Variants in TFCP2L1 observed in about 807,000 individuals in gnomAD.
The protein encoded by TFCP2L1 is transcription factor CP2-like protein 1.
In TFCP2L1, 12 loss-of-function variants were observed where a neutral mutation model predicts 72.2. The observed-to-expected ratio is 0.17, with a 90% confidence interval of 0.11 to 0.27. The LOEUF (loss-of-function observed/expected upper bound fraction) is 0.27, where lower values mean the gene tolerates loss of function less well. Ranked by LOEUF, TFCP2L1 falls within the 10% of genes least tolerant of loss-of-function variation. TFCP2L1 has a pLI of 1.00. For synonymous variants in TFCP2L1, 260 were observed against 251.0 expected (o/e 1.04, Z -0.34); for missense variants, 488 against 624.6 (o/e 0.78, Z 2.33).
intron 7 of TFCP2L1, among the ~76,000 whole-genome samples, chr2:121,241,415 T>C (rs538872777): frequency 6.6e-6 from 1 of 152,168 alleles, no homozygotes; most frequent in African/African-American, 2.4e-5. Flanking sequence ...GAGAATCCCT[T>C]GAACCCAGGA....
At chr2:121,232,965 C>A (rs1272882480) in intron 12 of TFCP2L1, among the ~76,000 whole-genome samples, 1 of 152,160 alleles carries the variant, frequency 6.6e-6, no homozygotes, top group South Asian at 2.1e-4. Context: ...GATTCTTAAG[C>A]CTTTCCCTCA....
chr2:121,227,245 A>T (rs1686047646), intron 13 of TFCP2L1, among the ~76,000 whole-genome samples: 1 of 152,242 alleles, frequency 6.6e-6, no homozygotes, highest in African/African-American at 2.4e-5. Context: ...CAGTCCACAA[A>T]GGGGCTTCTA....
At chr2:121,252,493 A>G (rs1282412248) in intron 2 of TFCP2L1, among the ~76,000 whole-genome samples, 1 of 152,214 alleles carries the variant, frequency 6.6e-6, no homozygotes, top group Non-Finnish European at 1.5e-5. Flanking sequence ...TAGTCTTAGC[A>G]GACACAATTA....
At chr2:121,242,992 GT>G (rs2104692268) in intron 6 of TFCP2L1, among the ~76,000 whole-genome samples, 1 of 152,324 alleles carries the variant, frequency 6.6e-6, no homozygotes, top group South Asian at 2.1e-4. Flanking sequence ...CTTTCAAAGG[GT>G]GTACAGGCTT....
rs1685896032 is a variant in TFCP2L1, at chr2:121,219,726, C to T, written c.*4615G>A. 1 of 152,262 alleles carries T rather than the reference C, an allele frequency of 6.6e-6. No individual in the cohort carries two copies. The highest frequency in any genetic ancestry group is 1.5e-5 in the Non-Finnish European group (1 of 68,060). 9.4% of individuals were successfully genotyped at this position (152,262 alleles called of 1,614,324 possible). A position where few individuals can be genotyped will look rare whatever the true frequency, so the allele number is the denominator to read the frequency against. ...CGTCAAGTGATTCTCCCACCTCGGC[C>T]TCCCAAAATGCTAGGATTAGAGGCA... On this transcript the variant is annotated 3_prime_UTR_variant, in exon 15 of 15. Coordinates refer to ENST00000263707, the MANE Select transcript of TFCP2L1 (RefSeq NM_014553.3).
chr2:121,235,574 CTT>C (rs34634906), intron 10 of TFCP2L1, among the ~76,000 whole-genome samples: 16,207 of 119,792 alleles, frequency 0.14, 1,014 homozygotes, highest in Middle Eastern at 0.18. Context: ...TTCTTTCTTT[CTT>C]TTTTTTTTTT....
chr2:121,244,147 G>A (rs1686433773), intron 6 of TFCP2L1, among the ~76,000 whole-genome samples: 1 of 152,212 alleles, frequency 6.6e-6, no homozygotes, highest in Non-Finnish European at 1.5e-5. Flanking sequence ...CCTGCACAGA[G>A]GGTACAAGCA....
At chr2:121,235,187 C>A in intron 11 of TFCP2L1, 34 bp downstream of exon 11, 1 of 1,612,530 alleles carries the variant, frequency 6.2e-7, no homozygotes, top group South Asian at 1.1e-5. Context: ...GGACATGAGC[C>A]TCTGGCTGGC....
intron 2 of TFCP2L1, among the ~76,000 whole-genome samples, chr2:121,255,374 G>A (rs1686693921): frequency 6.6e-6 from 1 of 152,138 alleles, no homozygotes; most frequent in Non-Finnish European, 1.5e-5. Flanking sequence ...ATGTGGGGGG[G>A]AGGGGGTGAG....
chr2:121,221,683 C>T lies in TFCP2L1; in HGVS notation c.*2658G>A, dbSNP rs913814331. ...AAACACAGGCATTAATCTTCTTGAC[C>T]TTGGATTAGGCAATGGTTTTCTAGA... On this transcript the variant is annotated 3_prime_UTR_variant, in exon 15 of 15. Coordinates refer to ENST00000263707, the MANE Select transcript of TFCP2L1 (RefSeq NM_014553.3). 7.2e-5 allele frequency: 11 copies of T among 152,108 alleles called. No individual in the cohort carries two copies. Among genetic ancestry groups the T allele is most frequent in the African/African-American group, 2.4e-4 (10 of 41,418 alleles). 9.4% of individuals were successfully genotyped at this position (152,108 alleles called of 1,614,324 possible).
chr2:121,277,836 G>A (rs1040606188), intron 2 of TFCP2L1, among the ~76,000 whole-genome samples: 1 of 152,054 alleles, frequency 6.6e-6, no homozygotes, highest in African/African-American at 2.4e-5. Flanking sequence ...TAGAAATAAG[G>A]TTAGCAGTGG....
At chr2:121,256,660 C>T (rs549487341) in intron 2 of TFCP2L1, among the ~76,000 whole-genome samples, 31 of 151,874 alleles carry the variant, frequency 2.0e-4, no homozygotes, top group Non-Finnish European at 4.3e-4. Context: ...GCCTGTAGTC[C>T]CAGGTACTCG....
rs539308413 is a variant in TFCP2L1 at position 121,242,522 on chromosome 2, C to T, written c.658-53G>A. The T allele has an allele frequency of 9.8e-4, 1,533 of 1,565,656 alleles. 3 individuals carry two copies. The highest frequency in any genetic ancestry group is 1.2e-3 in the Non-Finnish European group (1,397 of 1,138,074). On this transcript the variant is annotated intron_variant, in intron 6 of 14. Coordinates refer to ENST00000263707, the MANE Select transcript of TFCP2L1 (RefSeq NM_014553.3). ...GCCCAAAACCAACACAGGCAGCAGC[C>T]CCCAAGCCCTCTCCTGCTTCCCACC...
intron 13 of TFCP2L1, among the ~76,000 whole-genome samples, chr2:121,230,763 ACAACAACAACAACAAC>A (rs1686125098): frequency 6.9e-6 from 1 of 145,880 alleles, no homozygotes; most frequent in African/African-American, 2.8e-5. Flanking sequence ...ATCTTGTCTC[ACAACAACAACAACAAC>A]CAACAACAAC....
In TFCP2L1 at chr2:121,220,107, G is replaced by A. The variant is rs914817862; in HGVS notation, c.*4234C>T. The A allele has an allele frequency of 2.1e-4, 32 of 150,134 alleles. No homozygotes were observed. Among genetic ancestry groups the A allele is most frequent in the African/African-American group, 6.4e-4 (26 of 40,740 alleles). 9.3% of individuals were successfully genotyped at this position (150,134 alleles called of 1,614,324 possible). A position where few individuals can be genotyped will look rare whatever the true frequency, so the allele number is the denominator to read the frequency against. On this transcript the variant is annotated 3_prime_UTR_variant, in exon 15 of 15. Coordinates refer to ENST00000263707, the MANE Select transcript of TFCP2L1 (RefSeq NM_014553.3). ...AAGAGGCTTTTCCGTTTATTTCATC[G>A]ACTTGTTAATGATTTTCAGATCTTC...
intron 2 of TFCP2L1, among the ~76,000 whole-genome samples, chr2:121,278,036 T>C (rs1558747574): frequency 6.7e-6 from 1 of 149,530 alleles, no homozygotes; most frequent in Non-Finnish European, 1.5e-5. Context: ...TCTCTTTTTT[T>C]TTTTTTTTTT....
chr2:121,241,907 A>ATGCCTGCAT (rs1275136610), intron 7 of TFCP2L1, among the ~76,000 whole-genome samples: 1 of 152,098 alleles, frequency 6.6e-6, no homozygotes, highest in Non-Finnish European at 1.5e-5. Context: ...AAATGCAGGC[A>ATGCCTGCAT]TGGGGCAAAC....
chr2:121,270,308 T>C (rs888600750), intron 2 of TFCP2L1, among the ~76,000 whole-genome samples: 1 of 152,210 alleles, frequency 6.6e-6, no homozygotes, highest in African/African-American at 2.4e-5. Context: ...CTCAAGTTTA[T>C]ATTTCATGTG....
At chr2:121,256,097 C>A (rs2104719613) in intron 2 of TFCP2L1, among the ~76,000 whole-genome samples, 1 of 152,244 alleles carries the variant, frequency 6.6e-6, no homozygotes, top group African/African-American at 2.4e-5. Context: ...ACATCTAAAC[C>A]CTCCCGCTTC....
Sources: gnomAD v4.1 joint callset for allele counts (sites outside exome capture counted in the v4.1 genomes callset) on GRCh38, gnomAD v4.1.1 for gene constraint, MANE v1.5 for transcripts, NCBI Gene and HGNC (gene_info 2026-07-23, HGNC 2026-07-21) for gene names.